The following EZH2 variants were observed in gnomAD, a reference collection of about 807,000 sequenced individuals.
EZH2 encodes the protein enhancer of zeste 2 polycomb repressive complex 2 subunit, also known as histone-lysine N-methyltransferase EZH2.
Under a neutral mutation model 98.4 loss-of-function variants are expected in EZH2, and 18 were observed. The observed-to-expected ratio is 0.18, with a 90% CI of 0.13 to 0.27. The LOEUF (loss-of-function observed/expected upper bound fraction) is 0.27, where lower values mean the gene tolerates loss of function less well. Among genes scored for constraint, EZH2 ranks in the 10% least tolerant of loss-of-function variants. The pLI, the probability that EZH2 is intolerant of heterozygous loss-of-function variation, is 1.00. For missense variants in EZH2, 470 were observed against 935.1 expected (o/e 0.50, Z 6.49); for synonymous variants, 338 against 312.3 (o/e 1.08, Z -0.87).
At chr7:148,883,242 C>T (rs1008428373) in intron 1 of EZH2, 3 of 152,256 alleles carry the variant, frequency 2.0e-5, no homozygotes, top group Admixed American at 6.5e-5. Flanking sequence ...CTCGATTCCT[C>T]CCGCTTTCAA....
rs906653268 is a variant in EZH2 at position 148,815,494 on chromosome 7, A to G, written c.1546+12T>C. 3.1e-6 allele frequency: 5 copies of G among 1,612,310 alleles called. No individual in the cohort carries two copies. The highest frequency in any genetic ancestry group is 1.7e-6 in the Non-Finnish European group (2 of 1,178,390). On this transcript the variant is annotated intron_variant, in intron 13 of 19. Coordinates refer to ENST00000320356, the MANE Select transcript of EZH2 (RefSeq NM_004456.5). ...GTTAAGCTAATAATGAGAGGAATGG[A>G]AAGATGCTAACCCTTTTTCAGCTGT...
chr7:148,859,889 T>G (rs1027728737), intron 1 of EZH2, among the ~76,000 whole-genome samples: 1 of 152,234 alleles, frequency 6.6e-6, no homozygotes, highest in African/African-American at 2.4e-5. Flanking sequence ...AGTTGCTTGC[T>G]GGCCCCGTTC....
At chr7:148,859,377 A>AC (rs1335676626) in intron 1 of EZH2, among the ~76,000 whole-genome samples, 7 of 152,064 alleles carry the variant, frequency 4.6e-5, no homozygotes, top group African/African-American at 1.7e-4. Context: ...GTGGTGGCAC[A>AC]CACCTGTAGT....
intron 4 of EZH2, among the ~76,000 whole-genome samples, chr7:148,831,505 C>G (rs1388598937): frequency 2.0e-5 from 3 of 152,204 alleles, no homozygotes; most frequent in Admixed American, 6.5e-5. Context: ...TCAGCAAAAT[C>G]AGACAGGGTC....
chr7:148,839,053 T>TAAGGAAGGAAGGAGGAAGGAAGG (rs1554402364), intron 3 of EZH2, among the ~76,000 whole-genome samples: 1 of 107,744 alleles, frequency 9.3e-6, no homozygotes, highest in African/African-American at 3.7e-5. Flanking sequence ...CTCTGTCAAA[T>TAAGGAAGGAAGGAGGAAGGAAGG]AAGGAAGGAA....
intron 3 of EZH2, among the ~76,000 whole-genome samples, chr7:148,838,657 T>G (rs546249280): frequency 1.3e-5 from 2 of 152,392 alleles, no homozygotes; most frequent in African/African-American, 4.8e-5. Context: ...GAGAGTATTA[T>G]ATAAATCTAT....
intron 8 of EZH2, among the ~76,000 whole-genome samples, chr7:148,825,438 C>G (rs1807416550): frequency 6.6e-6 from 1 of 152,200 alleles, no homozygotes; most frequent in African/African-American, 2.4e-5. Flanking sequence ...AACTAAACCA[C>G]TAATATGTCA....
At chr7:148,867,341 T>A (rs928205752) in intron 1 of EZH2, among the ~76,000 whole-genome samples, 1 of 151,890 alleles carries the variant, frequency 6.6e-6, no homozygotes, top group Non-Finnish European at 1.5e-5. Flanking sequence ...AATAAATAAA[T>A]AAATAATTTT....
At chr7:148,852,131 A>C (rs1815949437) in intron 1 of EZH2, among the ~76,000 whole-genome samples, 1 of 152,208 alleles carries the variant, frequency 6.6e-6, no homozygotes, top group African/African-American at 2.4e-5. Flanking sequence ...CCAAAACAAC[A>C]ATGGCTCTTT....
At chr7:148,841,798 T>C (rs905002922) in intron 3 of EZH2, among the ~76,000 whole-genome samples, 8 of 152,202 alleles carry the variant, frequency 5.3e-5, no homozygotes, top group African/African-American at 1.9e-4. Flanking sequence ...AGTGTTTACA[T>C]GTAACAGGTA....
In EZH2 at chr7:148,874,624, G is replaced by C. The variant is rs187012585; in HGVS notation, c.-8+9540C>G. ...TTTTTTCTTTGTTAAACAGGAAAAG[G>C]AAAAGTTATGTATTACTTGAATATT... On this transcript the variant is annotated intron_variant, in intron 1 of 19. Transcript: ENST00000320356. Among the ~76,000 whole-genome samples, 6 of 152,206 alleles carry C rather than the reference G, an allele frequency of 3.9e-5. No homozygotes were observed. The East Asian group carries it at 1.2e-3, about 29-fold the overall frequency.
At position 148,828,833 on chromosome 7, in the gene EZH2, G is replaced by C. The variant is rs1808496609; in HGVS notation, c.532C>G (p.Leu178Val). ...TCGTCATCATCATTATATTGACCAA[G>C]GGCATTCACCAACTCCACAAAAATT... ...DEIFVELVNA[L>V]GQYNDDDDDD... is the part of the protein sequence containing the mutation. The change falls in exon 6 of 20, where the codon CTT becomes GTT. Residue 178 changes from leucine (L) to valine (V), a missense_variant. This residue lies in a region of EZH2 where 69 missense variants were observed against 78.3 expected (regional missense o/e 0.88). Transcript: ENST00000320356. The C allele has an allele frequency of 3.7e-6, 6 of 1,612,716 alleles. No homozygotes were observed. The highest frequency in any genetic ancestry group is 5.1e-6 in the Non-Finnish European group (6 of 1,179,670).
chr7:148,811,283 T>G (rs1318127758), intron 16 of EZH2, among the ~76,000 whole-genome samples: 1 of 152,102 alleles, frequency 6.6e-6, no homozygotes, highest in Non-Finnish European at 1.5e-5. Context: ...CCCAAGTAGC[T>G]GGGACTACAA....
At chr7:148,808,209 C>T (rs1802032164) in intron 19 of EZH2, among the ~76,000 whole-genome samples, 1 of 152,214 alleles carries the variant, frequency 6.6e-6, no homozygotes, top group Non-Finnish European at 1.5e-5. Context: ...GGTGAGGCCA[C>T]CGGGTCATCC....
At position 148,832,746 on chromosome 7, in the gene EZH2, G is replaced by A. The variant is rs1182369323; in HGVS notation, c.251C>T (p.Ser84Leu). 1.6e-5 allele frequency: 26 copies of A among 1,593,008 alleles called. No individual in the cohort carries two copies. Among genetic ancestry groups the A allele is most frequent in the Admixed American group, 3.4e-5 (2 of 58,060 alleles). ...VSSLRGTREC[S>L]VTSDLDFPTQ... Reference sequence around the variant, plus strand: ...TGGAAAATCCAAGTCACTGGTCACCGAACACTAAAACAGAAAAAATAAAAT... The same window carrying A: ...TGGAAAATCCAAGTCACTGGTCACCAAACACTAAAACAGAAAAAATAAAAT... Residue 84 changes from serine (S) to leucine (L), a missense_variant, in exon 4 of 20, where the codon TCG becomes TTG. Transcript: ENST00000320356.
At chr7:148,873,352 C>T (rs113564188) in intron 1 of EZH2, among the ~76,000 whole-genome samples, 3,367 of 151,848 alleles carry the variant, frequency 0.022, 110 homozygotes, top group African/African-American at 0.077. Context: ...ACTAGCCGGG[C>T]GTAGTGGCGT....
chr7:148,820,765 T>C (rs1410593034), intron 8 of EZH2, among the ~76,000 whole-genome samples: 2 of 152,100 alleles, frequency 1.3e-5, no homozygotes, highest in Admixed American at 6.6e-5. Context: ...AAAAAATACA[T>C]AATTTAAAAT....
intron 1 of EZH2, among the ~76,000 whole-genome samples, chr7:148,853,653 A>G (rs73158273): frequency 6.6e-6 from 1 of 152,184 alleles, no homozygotes; most frequent in South Asian, 2.1e-4. Flanking sequence ...TACCTAATAC[A>G]ATGTAAATAT....
chr7:148,882,498 T>C (rs1398442889), intron 1 of EZH2, among the ~76,000 whole-genome samples: 1 of 152,222 alleles, frequency 6.6e-6, no homozygotes, highest in African/African-American at 2.4e-5. Context: ...AGACCATGAA[T>C]AGAAAATTAA....
Sources: gnomAD v4.1 joint callset for allele counts (sites outside exome capture counted in the v4.1 genomes callset) on GRCh38, gnomAD v4.1.1 for gene constraint, gnomAD v4.1.1 regional missense constraint, MANE v1.5 for transcripts, NCBI Gene and HGNC (gene_info 2026-07-23, HGNC 2026-07-21) for gene names.